Variants in MEI1 observed in about 807,000 individuals in gnomAD.
MEI1 encodes the protein meiotic double-stranded break formation protein 1, also known as meiosis inhibitor protein 1.
MEI1 carries 103 observed loss-of-function variants against 146.2 expected under a neutral mutation model. The ratio of observed to expected loss-of-function variants is 0.70; its 90% CI spans 0.60 to 0.83. The LOEUF is 0.83. Among genes scored for constraint, MEI1 ranks in the 40% least tolerant of loss-of-function variants. The pLI, the probability that MEI1 is intolerant of heterozygous loss-of-function variation, is 0.00. For missense variants in MEI1, 1,529 were observed against 1,533.0 expected, an observed-to-expected ratio of 1.00 and a Z score of 0.04; for synonymous variants, 652 against 628.2, an observed-to-expected ratio of 1.04 and a Z score of -0.57.
At chr22:41,778,004 CCTTCCTTCTCCTCCTTT>C (rs933365374) in intron 21 of MEI1, among the ~76,000 whole-genome samples, 30 of 151,260 alleles carry the variant, frequency 2.0e-4, no homozygotes, top group South Asian at 6.3e-4. Flanking sequence ...CCTCCTCCTT[CCTTCCTTCTCCTCCTTT>C]CTTCCTTCTC....
chr22:41,792,831 T>C (rs781740387), intron 26 of MEI1, among the ~76,000 whole-genome samples: 14 of 152,060 alleles, frequency 9.2e-5, no homozygotes, highest in Non-Finnish European at 1.9e-4. Flanking sequence ...ACCTAGTAGT[T>C]TTAATTTGCA....
intron 19 of MEI1, among the ~76,000 whole-genome samples, chr22:41,770,225 TCCCTA>T (rs1347317653): frequency 1.3e-5 from 2 of 152,108 alleles, no homozygotes; most frequent in East Asian, 3.9e-4. Flanking sequence ...TCTGCCACAG[TCCCTA>T]CCCTCAAGCA....
At chr22:41,768,157 G>A (rs919909532) in intron 19 of MEI1, among the ~76,000 whole-genome samples, 43 of 152,120 alleles carry the variant, frequency 2.8e-4, no homozygotes, top group African/African-American at 9.4e-4. Flanking sequence ...CGAGGCGGGC[G>A]GATTGACTGA....
Position 41,762,549 on chromosome 22 carries a change from G to GTTTTTTTT in MEI1, c.2121-625_2121-624insTTTTTTTT, listed in dbSNP as rs554541069. Among the ~76,000 whole-genome samples, 3 of 128,798 alleles carry GTTTTTTTT rather than the reference G, an allele frequency of 2.3e-5. 1 individual carries two copies. Among genetic ancestry groups the GTTTTTTTT allele is most frequent in the Non-Finnish European group, 1.6e-5 (1 of 60,834 alleles). The allele number at this position is 128,798 out of a possible 152,430, so 84.5% of individuals were successfully genotyped here. ...GTCTACACAACCAGCTAATTTAACT[G>GTTTTTTTT]ATTTTTTTTTTTTTTTTTGTAGAGA... On this transcript the variant is annotated intron_variant, in intron 18 of 30. Coordinates refer to ENST00000401548, the MANE Select transcript of MEI1 (RefSeq NM_152513.4).
At chr22:41,705,441 G>A in intron 2 of MEI1, 63 bp from the exon 3 acceptor site, 1 of 1,412,894 alleles carries the variant, frequency 7.1e-7, no homozygotes, top group Non-Finnish European at 1.0e-6. Flanking sequence ...AAATTGCTGG[G>A]GTACAGATGT....
Position 41,795,898 on chromosome 22 carries a change from T to C in MEI1, c.3779+51T>C. The C allele has an allele frequency of 6.2e-7, 1 of 1,610,324 alleles. No individual in the cohort carries two copies. Among genetic ancestry groups the C allele is most frequent in the Non-Finnish European group, 8.5e-7 (1 of 1,178,270 alleles). ...AGGAGATGCCAAATCACTGGGTGTT[T>C]GGGGCTTCTCTTCCTGGGCCAGTTT... On this transcript the variant is annotated intron_variant, in intron 30 of 30. Coordinates refer to ENST00000401548, the MANE Select transcript of MEI1 (RefSeq NM_152513.4). The surrounding 1 kb of genome is among the most constrained non-coding windows in gnomAD (Gnocchi z 4.2).
chr22:41,751,325 G>A (rs1015554440), intron 15 of MEI1, among the ~76,000 whole-genome samples: 1 of 152,184 alleles, frequency 6.6e-6, no homozygotes, highest in Non-Finnish European at 1.5e-5. Flanking sequence ...CCAACCCAGG[G>A]GCTGGTGAAG....
intron 26 of MEI1, among the ~76,000 whole-genome samples, chr22:41,787,498 C>A (rs2076033791): frequency 6.6e-6 from 1 of 152,200 alleles, no homozygotes; most frequent in Admixed American, 6.5e-5. Flanking sequence ...GGACACTTAG[C>A]CAGCTGGCCA....
At chr22:41,776,073 G>C in intron 20 of MEI1, 29 bp from the exon 21 acceptor site, 1 of 1,610,022 alleles carries the variant, frequency 6.2e-7, no homozygotes, top group Middle Eastern at 1.7e-4. Context: ...AGTACCCTCT[G>C]ATCTCTGGCT....
chr22:41,722,279 C>T lies in MEI1; in HGVS notation c.734-1664C>T, dbSNP rs941030895. The stretch of plus-strand genomic sequence containing the variant: ...TTCACTTACTTTACAACCCAAGATC[C>T]TCATAAGTTCTTATTTTATTTAATT... On this transcript the variant is annotated intron_variant, in intron 6 of 30. Coordinates refer to ENST00000401548, the MANE Select transcript of MEI1 (RefSeq NM_152513.4). 3.3e-5 allele frequency: 5 copies of T among 151,734 alleles called. 1 individual carries two copies. In the South Asian group the frequency reaches 6.3e-4, roughly 19 times the overall value. 9.4% of individuals were successfully genotyped at this position (151,734 alleles called of 1,614,324 possible). A position where few individuals can be genotyped will look rare whatever the true frequency, so the allele number is the denominator to read the frequency against.
chr22:41,714,874 C>A (rs2069946597), intron 4 of MEI1, among the ~76,000 whole-genome samples: 1 of 151,324 alleles, frequency 6.6e-6, no homozygotes, highest in Non-Finnish European at 1.5e-5. Flanking sequence ...AAGCAAGACT[C>A]CATCTAAAAA....
chr22:41,754,134 TACAGCC>T (rs1192008414), intron 17 of MEI1, 88 bp downstream of exon 17: 14 of 975,380 alleles, frequency 1.4e-5, no homozygotes, highest in Non-Finnish European at 2.0e-5. Flanking sequence ...AGTGAGTTAG[TACAGCC>T]ACGAGATTTC....
chr22:41,699,685 G>A lies in MEI1; in HGVS notation c.147G>A (p.Leu49=). The change falls in exon 1 of 31, where the codon CTG becomes CTA. Residue 49 remains leucine, a synonymous_variant. Transcript: ENST00000401548. ...CCCGCCTGTGCCTGGCCTGCGCGCT[G>A]GAGCTGCTGCCGGACCCCGGCGTGT... The part of the protein sequence containing the change: ...VTPRLCLACA[L]ELLPDPGVSL... The A allele has an allele frequency of 6.3e-7, 1 of 1,587,894 alleles. No individual in the cohort carries two copies. The highest frequency in any genetic ancestry group is 8.6e-7 in the Non-Finnish European group (1 of 1,167,824).
At chr22:41,753,020 A>AT (rs973303798) in intron 16 of MEI1, among the ~76,000 whole-genome samples, 3,236 of 142,012 alleles carry the variant, frequency 0.023, 41 homozygotes, top group African/African-American at 0.04. Flanking sequence ...GGTCTCTACA[A>AT]TTTTTTTTTT....
At chr22:41,703,786 C>T (rs2068883351) in intron 2 of MEI1, among the ~76,000 whole-genome samples, 1 of 152,044 alleles carries the variant, frequency 6.6e-6, no homozygotes. Flanking sequence ...GAGTTAGAGA[C>T]TAGCCTGGTC....
chr22:41,747,068 A>ATAATAAT (rs397728753), intron 14 of MEI1, among the ~76,000 whole-genome samples: 1 of 151,580 alleles, frequency 6.6e-6, no homozygotes, highest in Non-Finnish European at 1.5e-5. Flanking sequence ...AATAATAATA[A>ATAATAAT]AACAACCAAA....
In MEI1 at chr22:41,781,787, G is replaced by C; in HGVS notation, c.3029G>C (p.Cys1010Ser). The C allele has an allele frequency of 2.5e-6, 4 of 1,613,984 alleles. No individual in the cohort carries two copies. Among genetic ancestry groups the C allele is most frequent in the Non-Finnish European group, 3.4e-6 (4 of 1,179,900 alleles). Residue 1010 changes from cysteine (C) to serine (S), a missense_variant, in exon 24 of 31, where the codon TGC becomes TCC. Coordinates refer to ENST00000401548, the MANE Select transcript of MEI1 (RefSeq NM_152513.4). ...GATTCTCCCAGGACTGCACTCCTCT[G>C]CTCTGCCTGGCTGCTCACTGCCTCC... is the stretch of plus-strand genomic sequence containing the variant. Reference protein sequence around the residue: ...KADSPRTALLCSAWLLTASFS... With the variant: ...KADSPRTALLSSAWLLTASFS...
chr22:41,786,042 C>T (rs1016549978), intron 26 of MEI1, among the ~76,000 whole-genome samples: 6 of 148,552 alleles, frequency 4.0e-5, no homozygotes, highest in African/African-American at 1.2e-4. Context: ...TCCCGAGTAG[C>T]TGGGACTACA....
At chr22:41,776,729 T>C (rs555183932) in intron 21 of MEI1, among the ~76,000 whole-genome samples, 44 of 152,290 alleles carry the variant, frequency 2.9e-4, no homozygotes, top group African/African-American at 1.0e-3. Flanking sequence ...CAAGGAAGCT[T>C]GATGTTTGGT....
Sources: allele counts gnomAD v4.1 joint callset (sites outside exome capture counted in the v4.1 genomes callset), GRCh38; gene constraint gnomAD v4.1.1; non-coding constraint Gnocchi (gnomAD v3.1); transcripts MANE v1.5; gene names NCBI Gene and HGNC (gene_info 2026-07-23, HGNC 2026-07-21).